PLXNB2: variants seen among roughly 807,000 people sequenced by gnomAD.
PLXNB2 encodes plexin-B2.
A neutral mutation model predicts 202.6 loss-of-function variants in PLXNB2; 85 were observed. The ratio of observed to expected loss-of-function variants is 0.42; its 90% confidence interval spans 0.35 to 0.50. PLXNB2 has a LOEUF of 0.50. Among genes scored for constraint, PLXNB2 ranks in the 20% least tolerant of loss-of-function variants. The pLI is 0.02. For missense variants in PLXNB2, 2,063 were observed against 2,586.2 expected (o/e 0.80, Z 4.39); for synonymous variants, 1,239 against 1,137.6 (o/e 1.09, Z -1.79).
intron 33 of PLXNB2, among the ~76,000 whole-genome samples, chr22:50,277,158 G>A (rs542813911): frequency 2.2e-4 from 33 of 152,240 alleles, no homozygotes; most frequent in African/African-American, 5.8e-4. Context: ...AATACTAGCC[G>A]TGCGTTGTGG....
rs867846722 is a variant in PLXNB2 at position 50,284,134 on chromosome 22, T to C, written c.2261A>G (p.His754Arg). ...SYGKNIDSKL[H>R]VTLYNCSFGR... ...CCCACTGCGCCCGTGGCCCCCACCATGGAGCTTGCTGTCGATATTCTTGCC... is the reference window on the plus strand; with the variant it reads ...CCCACTGCGCCCGTGGCCCCCACCACGGAGCTTGCTGTCGATATTCTTGCC... Residue 754 changes from histidine to arginine, a missense_variant and splice_region_variant, in exon 13 of 37, where the codon CAT becomes CGT. This residue lies in a region of PLXNB2 where 1,303 missense variants were observed against 1,476.8 expected (regional missense o/e 0.88). Coordinates refer to ENST00000359337, the MANE Select transcript of PLXNB2 (RefSeq NM_012401.4). The surrounding 1 kb of genome is among the most constrained non-coding windows in gnomAD (Gnocchi z 8.0). 3.5e-6 allele frequency: 5 copies of C among 1,445,962 alleles called. No individual in the cohort carries two copies. Among genetic ancestry groups the C allele is most frequent in the Admixed American group, 3.6e-5 (2 of 55,660 alleles). The allele number at this position is 1,445,962 out of a possible 1,614,324, so 89.6% of individuals were successfully genotyped here.
rs143051588 is a variant in PLXNB2 at position 50,289,084 on chromosome 22, C to T, written c.1127G>A (p.Arg376His). 2.9e-5 allele frequency: 46 copies of T among 1,599,396 alleles called. No homozygotes were observed. Among genetic ancestry groups the T allele is most frequent in the East Asian group, 9.0e-5 (4 of 44,540 alleles). ...SEHLPYPLGSRDGLRGTAVLQ... is the reference protein window; with the variant it reads ...SEHLPYPLGSHDGLRGTAVLQ... ...CACGGCTGTGCCTCTGAGCCCGTCGCGGCTGCCCAGCGGGTAGGGCAGGTG... is the reference window on the plus strand; with the variant it reads ...CACGGCTGTGCCTCTGAGCCCGTCGTGGCTGCCCAGCGGGTAGGGCAGGTG... The change falls in exon 4 of 37, where the codon CGC (arginine) becomes CAC (histidine). Residue 376 changes from arginine (R) to histidine (H), a missense_variant. Physicochemically the swap from Arg to His is conservative, Grantham distance 29 (BLOSUM62 0). This residue lies in a region of PLXNB2 where 1,303 missense variants were observed against 1,476.8 expected (regional missense o/e 0.88). Coordinates refer to ENST00000359337, the MANE Select transcript of PLXNB2 (RefSeq NM_012401.4). The surrounding 1 kb of genome is among the most constrained non-coding windows in gnomAD (Gnocchi z 8.0).
At chr22:50,306,673 T>C (rs950580813) in intron 1 of PLXNB2, among the ~76,000 whole-genome samples, 2 of 149,376 alleles carry the variant, frequency 1.3e-5, no homozygotes, top group Non-Finnish European at 3.0e-5. Context: ...ATCTGCCGGG[T>C]TTGGGGCCCA....
At chr22:50,276,040 C>A (rs2065533034) in intron 35 of PLXNB2, 77 bp from the exon 36 acceptor site, 1 of 1,408,764 alleles carries the variant, frequency 7.1e-7, no homozygotes, top group Non-Finnish European at 1.0e-6. Flanking sequence ...TACGGGACGC[C>A]CAGGACGAGG....
At position 50,284,420 on chromosome 22, in the gene PLXNB2, TC is replaced by T. The variant is rs1247083156; in HGVS notation, c.2181+152del. On this transcript the variant is annotated intron_variant, in intron 12 of 36. Transcript: ENST00000359337. The surrounding 1 kb of genome is among the most constrained non-coding windows in gnomAD (Gnocchi z 8.0). ...AGGGAGGCAGAGGGCAGAGGGGGCT[TC>T]CCCAGCAGCACAGGGCATGGCGAGC... Among the ~76,000 whole-genome samples, 2 of 151,974 alleles carry T rather than the reference TC, an allele frequency of 1.3e-5. No individual in the cohort carries two copies. Among genetic ancestry groups the T allele is most frequent in the African/African-American group, 4.8e-5 (2 of 41,350 alleles).
In PLXNB2 at chr22:50,284,000, G is replaced by A. The variant is rs1236085010; in HGVS notation, c.2264-10C>T. 4 of 1,535,310 alleles carry A rather than the reference G, an allele frequency of 2.6e-6. No individual in the cohort carries two copies. Among genetic ancestry groups the A allele is most frequent in the Non-Finnish European group, 2.6e-6 (3 of 1,144,686 alleles). ...CAGTTGTAGAGGGTCACTGCGGGGA[G>A]AGCTGCCGTCAGTGGTCACCCCGTG... is the stretch of plus-strand genomic sequence containing the variant. On this transcript the variant is annotated splice_polypyrimidine_tract_variant and intron_variant, in intron 13 of 36. Transcript: ENST00000359337.
rs116705979 is a variant in PLXNB2, at chr22:50,306,852, T to C, written c.-74+701A>G. On this transcript the variant is annotated intron_variant, in intron 1 of 36. Transcript: ENST00000359337. Reference sequence around the variant, plus strand: ...AGGAAGCCCCAGGGCGTCCGGGCTCTGAGACCCCCAGATGACAGGGGGAGG... The same window carrying C: ...AGGAAGCCCCAGGGCGTCCGGGCTCCGAGACCCCCAGATGACAGGGGGAGG... Among the ~76,000 whole-genome samples, 1,437 of 152,332 alleles carry C rather than the reference T, an allele frequency of 9.4e-3. 35 individuals are homozygous for C. Among genetic ancestry groups the C allele is most frequent in the African/African-American group, 0.033 (1,354 of 41,578 alleles).
At position 50,282,730 on chromosome 22, in the gene PLXNB2, G is replaced by C; in HGVS notation, c.2968C>G (p.Pro990Ala). Residue 990 changes from proline (P) to alanine (A), a missense_variant, in exon 18 of 37, where the codon CCG (proline) becomes GCG (alanine). Around this residue, in one of 2 missense-constraint regions of PLXNB2, gnomAD observed 1,303 missense variants for 1,476.8 expected, o/e 0.88. Transcript: ENST00000359337. ...RENPVLRAFE[P>A]LRSFASGGRS... Reference sequence around the variant, plus strand: ...CCTCACCTGGCAAAGCTTCGTAGCGGCTCGAAGGCTCGCAGTACGGGGTTT... The same window carrying C: ...CCTCACCTGGCAAAGCTTCGTAGCGCCTCGAAGGCTCGCAGTACGGGGTTT... 1 of 1,602,648 alleles carries C rather than the reference G, an allele frequency of 6.2e-7. No homozygotes were observed.
Position 50,275,966 on chromosome 22 carries a change from G to A in PLXNB2, c.5338-3C>T, listed in dbSNP as rs2065523081. On this transcript the variant is annotated splice_region_variant and splice_polypyrimidine_tract_variant and intron_variant, in intron 35 of 36. Transcript: ENST00000359337. ...GTGTTCAAGGAGTCCGTGTGCGCCT[G>A]GGGGGTGACGGGACAGTCAGGGTGG... 2 of 1,611,294 alleles carry A rather than the reference G, an allele frequency of 1.2e-6. No homozygotes were observed. The highest frequency in any genetic ancestry group is 1.7e-6 in the Non-Finnish European group (2 of 1,178,736).
chr22:50,307,497 G>GCC (rs561318339), intron 1 of PLXNB2, 56 bp downstream of exon 1: 21 of 896,176 alleles, frequency 2.3e-5, no homozygotes, highest in African/African-American at 1.5e-4. Context: ...TGACGGCGAA[G>GCC]CCCCCCCCAC....
chr22:50,295,589 G>C (rs1024464999), intron 1 of PLXNB2, among the ~76,000 whole-genome samples: 1 of 152,094 alleles, frequency 6.6e-6, no homozygotes, highest in Non-Finnish European at 1.5e-5. Flanking sequence ...GATAAACACC[G>C]ACTATACCCA....
chr22:50,284,089 C>T lies in PLXNB2; in HGVS notation c.2263+43G>A, dbSNP rs2066235646. Reference sequence around the variant, plus strand: ...GTCCCCCCACCCACCGCCTTGTGCCCACCCGTCCCCTGCCCGCCCCCCACT... The same window carrying T: ...GTCCCCCCACCCACCGCCTTGTGCCTACCCGTCCCCTGCCCGCCCCCCACT... On this transcript the variant is annotated intron_variant, in intron 13 of 36. Coordinates refer to ENST00000359337, the MANE Select transcript of PLXNB2 (RefSeq NM_012401.4). This position sits in a 1 kb window ranked among gnomAD's most constrained non-coding sequence, Gnocchi z 8.0. 1.3e-6 allele frequency: 2 copies of T among 1,572,966 alleles called. No individual in the cohort carries two copies. The highest frequency in any genetic ancestry group is 8.6e-7 in the Non-Finnish European group (1 of 1,160,788).
chr22:50,278,279 G>A lies in PLXNB2; in HGVS notation c.4733-8C>T, dbSNP rs1303543559. 2 of 1,610,522 alleles carry A rather than the reference G, an allele frequency of 1.2e-6. No homozygotes were observed. Among genetic ancestry groups the A allele is most frequent in the Admixed American group, 3.3e-5 (2 of 59,996 alleles). On this transcript the variant is annotated splice_polypyrimidine_tract_variant and splice_region_variant and intron_variant, in intron 30 of 36. Coordinates refer to ENST00000359337, the MANE Select transcript of PLXNB2 (RefSeq NM_012401.4). ...CCTCCAGGAGGGCATGGCCTGTGGG[G>A]AGCGGGCACTGAGGGACCCCTACCC...
At chr22:50,279,276 T>C (rs535334753) in intron 27 of PLXNB2, among the ~76,000 whole-genome samples, 2 of 152,296 alleles carry the variant, frequency 1.3e-5, no homozygotes, top group East Asian at 1.9e-4. Context: ...TGGAAGCACA[T>C]GTACAGACAC....
chr22:50,305,672 A>C (rs2067858312), intron 1 of PLXNB2, among the ~76,000 whole-genome samples: 1 of 152,132 alleles, frequency 6.6e-6, no homozygotes, highest in African/African-American at 2.4e-5. Context: ...CTAGCAGCCT[A>C]GCCTCGCTCC....
In PLXNB2 at chr22:50,288,619, G is replaced by A. The variant is rs1414334649; in HGVS notation, c.1380+124C>T. On this transcript the variant is annotated intron_variant, in intron 5 of 36. Transcript: ENST00000359337. The surrounding 1 kb of genome is among the most constrained non-coding windows in gnomAD (Gnocchi z 5.0). ...CCCAGCCACCCCTCATCCAGACCAA[G>A]GAGAAGGGCCCAGCTCTGCAGCACC... 1 of 1,377,356 alleles carries A rather than the reference G, an allele frequency of 7.3e-7. No homozygotes were observed. The highest frequency in any genetic ancestry group is 9.8e-7 in the Non-Finnish European group (1 of 1,023,956). The allele number at this position is 1,377,356 out of a possible 1,614,324, so 85.3% of individuals were successfully genotyped here. A position where few individuals can be genotyped will look rare whatever the true frequency, so the allele number is the denominator to read the frequency against.
chr22:50,276,705 C>T lies in PLXNB2; in HGVS notation c.5262-1G>A, dbSNP rs2065623733. 6.2e-7 allele frequency: 1 copy of T among 1,613,292 alleles called. No individual in the cohort carries two copies. The highest frequency in any genetic ancestry group is 8.5e-7 in the Non-Finnish European group (1 of 1,179,452). Reference sequence around the variant, plus strand: ...CATCTGCCGGATCCCCTTGTAGTAACTGCAGGGGTGGGAGCATCATACAGT... The same window carrying T: ...CATCTGCCGGATCCCCTTGTAGTAATTGCAGGGGTGGGAGCATCATACAGT... On this transcript the variant is annotated splice_acceptor_variant, in intron 34 of 36. Transcript: ENST00000359337. LOFTEE classifies it high-confidence loss of function.
intron 2 of PLXNB2, among the ~76,000 whole-genome samples, chr22:50,294,061 C>T (rs1458044221): frequency 1.3e-5 from 2 of 152,238 alleles, no homozygotes; most frequent in East Asian, 1.9e-4. Context: ...GGCAACCCAC[C>T]GGACCAGCAG....
rs778869922 is a variant in PLXNB2, at chr22:50,275,527, C to G, written c.*177G>C. 3.0e-6 allele frequency: 2 copies of G among 666,648 alleles called. No individual in the cohort carries two copies. The highest frequency in any genetic ancestry group is 5.5e-5 in the East Asian group (2 of 36,380). The allele number at this position is 666,648 out of a possible 1,614,324, so 41.3% of individuals were successfully genotyped here. A position where few individuals can be genotyped will look rare whatever the true frequency, so the allele number is the denominator to read the frequency against. On this transcript the variant is annotated 3_prime_UTR_variant, in exon 37 of 37. Coordinates refer to ENST00000359337, the MANE Select transcript of PLXNB2 (RefSeq NM_012401.4). ...GCTGGTGCGGTGCCCGGCGGTATTG[C>G]TCAGAGGAAGATGCTACAGTCTAGA...
Sources: allele counts gnomAD v4.1 joint callset (sites outside exome capture counted in the v4.1 genomes callset), GRCh38; gene constraint gnomAD v4.1.1; regional missense constraint gnomAD v4.1.1; non-coding constraint Gnocchi (gnomAD v3.1); transcripts MANE v1.5; gene names NCBI Gene and HGNC (gene_info 2026-07-23, HGNC 2026-07-21).